The following ARPC3 variants were observed in gnomAD, a reference collection of about 807,000 sequenced individuals.
ARPC3 encodes actin-related protein 2/3 complex subunit 3.
ARPC3 carries 12 observed loss-of-function variants against 27.6 expected under a neutral mutation model. The observed-to-expected ratio is 0.43, with a 90% CI of 0.28 to 0.70. The LOEUF is 0.70. Ranked by LOEUF, ARPC3 falls within the 30% of genes least tolerant of loss-of-function variation. The probability of loss-of-function intolerance (pLI) is 0.17; values close to 1 mark genes in which losing one functional copy is unlikely to be tolerated. For missense variants in ARPC3, 153 were observed against 207.7 expected, an observed-to-expected ratio of 0.74 and a Z score of 1.62; for synonymous variants, 53 against 67.2, an observed-to-expected ratio of 0.79 and a Z score of 1.03.
At chr12:110,450,219 C>T (rs770054097) in intron 1 of ARPC3, 36 bp downstream of exon 1, 4 of 1,613,776 alleles carry the variant, frequency 2.5e-6, no homozygotes, top group Non-Finnish European at 3.4e-6. Flanking sequence ...CTTCGCAATC[C>T]CCGCTGTCTC....
rs780361423 is a variant in ARPC3, at chr12:110,438,651, A to AT, written c.184-1500dup. ...CCCAAACCACACCATTTTCCTATAT[A>AT]TTTTTTTTTTTTTGAGTGTTTCACT... On this transcript the variant is annotated intron_variant, in intron 3 of 6. Transcript: ENST00000228825. Among the ~76,000 whole-genome samples, 797 of 142,550 alleles carry AT rather than the reference A, an allele frequency of 5.6e-3. 5 individuals carry two copies. Among genetic ancestry groups the AT allele is most frequent in the Non-Finnish European group, 6.9e-3 (451 of 65,058 alleles). 93.5% of individuals were successfully genotyped at this position (142,550 alleles called of 152,430 possible).
At chr12:110,436,711 TACACACACACACACACACACAC>T in intron 4 of ARPC3, 28 bp from the exon 5 acceptor site, 14 of 380,314 alleles carry the variant, frequency 3.7e-5, no homozygotes, top group Middle Eastern at 7.6e-4. Context: ...TATATATATA[TACACACACACACACACACACAC>T]ACACACACAC....
At chr12:110,435,649 A>C (rs2062399310) in intron 6 of ARPC3, among the ~76,000 whole-genome samples, 1 of 142,562 alleles carries the variant, frequency 7.0e-6, no homozygotes, top group Non-Finnish European at 1.5e-5. Context: ...TTTTAGACAA[A>C]GTCTCACTCT....
Position 110,436,533 on chromosome 12 carries a change from G to A in ARPC3, c.379+24C>T, listed in dbSNP as rs112205137. 7.6e-5 allele frequency: 122 copies of A among 1,613,796 alleles called. 5 individuals carry two copies. Among genetic ancestry groups the A allele is most frequent in the African/African-American group, 7.1e-4 (53 of 74,986 alleles). On this transcript the variant is annotated intron_variant, in intron 5 of 6. Coordinates refer to ENST00000228825, the MANE Select transcript of ARPC3 (RefSeq NM_001278556.2). ...GGAGAAAATCTTCTTGTGTCACAGA[G>A]TGAGGATAGAGACCTGTTCTTACCA...
At chr12:110,446,455 G>A (rs997643819) in intron 1 of ARPC3, among the ~76,000 whole-genome samples, 7 of 151,426 alleles carry the variant, frequency 4.6e-5, no homozygotes, top group Admixed American at 3.3e-4. Flanking sequence ...AAGCCACCAC[G>A]CCCAGCTAAT....
chr12:110,450,280 C>T lies in ARPC3; in HGVS notation c.-20G>A. The T allele has an allele frequency of 6.2e-7, 1 of 1,614,040 alleles. No individual in the cohort carries two copies. The highest frequency in any genetic ancestry group is 8.5e-7 in the Non-Finnish European group (1 of 1,179,956). On this transcript the variant is annotated 5_prime_UTR_variant, in exon 1 of 7. Transcript: ENST00000228825. ...CGGCATCTTGGCGGCGCCCGGGTTTCAACCCAGAGGAGCAGGATCCAGGTA... is the reference window on the plus strand; with the variant it reads ...CGGCATCTTGGCGGCGCCCGGGTTTTAACCCAGAGGAGCAGGATCCAGGTA...
rs886512769 is a variant in ARPC3, at chr12:110,446,579, G to T, written c.7-1028C>A. ...CCCAAAGTGCTGGGATTACAGATGT[G>T]AGCCACTGCACTGCACTTGGCCTAC... On this transcript the variant is annotated intron_variant, in intron 1 of 6. Transcript: ENST00000228825. Among the ~76,000 whole-genome samples the T allele has an allele frequency of 2.0e-5, 3 of 151,442 alleles. No homozygotes were observed. The East Asian group carries it at 5.8e-4, about 29-fold the overall frequency.
At chr12:110,444,919 AAG>A (rs1467934957) in intron 2 of ARPC3, 1 of 168,120 alleles carries the variant, frequency 5.9e-6, no homozygotes, top group African/African-American at 2.4e-5. Context: ...AAAGCATCAG[AAG>A]AGTCTCAGAC....
At chr12:110,436,338 G>A in intron 5 of ARPC3, 134 bp from the exon 6 acceptor site, 1 of 1,072,908 alleles carries the variant, frequency 9.3e-7, no homozygotes, top group Non-Finnish European at 1.4e-6. Flanking sequence ...TGACAGTCCA[G>A]ATAGTTTTAT....
intron 3 of ARPC3, 119 bp downstream of exon 3, chr12:110,440,193 C>T (rs181171537): frequency 6.0e-4 from 453 of 756,186 alleles, no homozygotes; most frequent in East Asian, 3.8e-3. Context: ...GCACTGCTCT[C>T]GAATTTAAAA....
At chr12:110,436,809 G>T in intron 4 of ARPC3, 126 bp from the exon 5 acceptor site, 1 of 834,896 alleles carries the variant, frequency 1.2e-6, no homozygotes. Context: ...AAGAACCCTT[G>T]AGTCAAGGGC....
At chr12:110,440,639 C>T (rs1276218401) in intron 2 of ARPC3, 232 of 385,182 alleles carry the variant, frequency 6.0e-4, no homozygotes, top group Non-Finnish European at 9.8e-4. Flanking sequence ...CTCTGCCTCC[C>T]GGGTTCACGC....
rs567397230 is a variant in ARPC3, at chr12:110,435,230, A to C, written c.475-13T>G. The C allele has an allele frequency of 5.0e-6, 8 of 1,604,696 alleles. No homozygotes were observed. The South Asian group carries it at 8.8e-5, about 18-fold the overall frequency. ...AGCAAGTCCACCACTAACAAGAGAG[A>C]ACAACACAGAATGAACAGCGGGGTC... On this transcript the variant is annotated splice_polypyrimidine_tract_variant and intron_variant, in intron 6 of 6. Coordinates refer to ENST00000228825, the MANE Select transcript of ARPC3 (RefSeq NM_001278556.2).
intron 5 of ARPC3, 143 bp downstream of exon 5, chr12:110,436,412 TGA>T: frequency 7.1e-7 from 1 of 1,410,852 alleles, no homozygotes; most frequent in Admixed American, 1.9e-5. Flanking sequence ...GAATCGTTTG[TGA>T]GAGTGACTAA....
intron 1 of ARPC3, 93 bp downstream of exon 1, chr12:110,450,162 C>A: frequency 6.4e-7 from 1 of 1,557,936 alleles, no homozygotes; most frequent in Non-Finnish European, 8.8e-7. Flanking sequence ...TTCCTCTCTG[C>A]CTTCCGCCGC....
chr12:110,443,123 C>CTTT, intron 2 of ARPC3: 1 of 145,554 alleles, frequency 6.9e-6, no homozygotes, highest in Non-Finnish European at 1.5e-5. Context: ...TTGCAATTTA[C>CTTT]TTTTTTTTTT....
chr12:110,438,784 C>T (rs370972504), intron 3 of ARPC3, among the ~76,000 whole-genome samples: 3 of 150,644 alleles, frequency 2.0e-5, no homozygotes, highest in African/African-American at 7.3e-5. Flanking sequence ...GCTGGGATTA[C>T]AGGCACGCAC....
At chr12:110,441,724 T>C (rs996022256) in intron 2 of ARPC3, among the ~76,000 whole-genome samples, 1 of 151,832 alleles carries the variant, frequency 6.6e-6, no homozygotes. Flanking sequence ...TTAAATAAAA[T>C]TTTTAAAGAA....
intron 4 of ARPC3, 23 bp from the exon 5 acceptor site, chr12:110,436,706 A>C: frequency 2.2e-6 from 2 of 922,318 alleles, no homozygotes; most frequent in Non-Finnish European, 3.3e-6. Context: ...ATATATATAT[A>C]TATATACACA....
Sources: allele counts gnomAD v4.1 joint callset (sites outside exome capture counted in the v4.1 genomes callset), GRCh38; gene constraint gnomAD v4.1.1; transcripts MANE v1.5; gene names NCBI Gene and HGNC (gene_info 2026-07-23, HGNC 2026-07-21).